DLG2: variants seen among roughly 807,000 people sequenced by gnomAD.
The protein encoded by DLG2 is discs large MAGUK scaffold protein 2.
DLG2 carries 45 observed loss-of-function variants against 132.5 expected under a neutral mutation model. The ratio of observed to expected loss-of-function variants is 0.34; its 90% CI spans 0.27 to 0.44. DLG2 has a LOEUF of 0.44. Ranked by LOEUF, DLG2 falls within the 20% of genes least tolerant of loss-of-function variation. The pLI is 1.00. For missense variants in DLG2, 1,045 were observed against 1,196.9 expected (o/e 0.87, Z 1.87); for synonymous variants, 424 against 419.6 (o/e 1.01, Z -0.13).
chr11:83,559,006 A>G (rs1006708805), intron 19 of DLG2, among the ~76,000 whole-genome samples: 2 of 152,100 alleles, frequency 1.3e-5, no homozygotes, highest in Non-Finnish European at 1.5e-5. Flanking sequence ...GATGAACAAC[A>G]TGCTGCTGAA....
intron 6 of DLG2, among the ~76,000 whole-genome samples, chr11:84,986,551 C>G (rs1351978452): frequency 6.6e-6 from 1 of 152,126 alleles, no homozygotes; most frequent in Non-Finnish European, 1.5e-5. Context: ...TCGAATCCAA[C>G]AACACATCAA....
At chr11:84,012,805 A>G (rs73511938) in intron 11 of DLG2, among the ~76,000 whole-genome samples, 5,616 of 152,230 alleles carry the variant, frequency 0.037, 304 homozygotes, top group African/African-American at 0.12. Context: ...TATAATTGGA[A>G]GGGATCTCGG....
chr11:85,109,431 G>A (rs532539670), intron 6 of DLG2, among the ~76,000 whole-genome samples: 48 of 152,186 alleles, frequency 3.2e-4, no homozygotes, highest in African/African-American at 1.1e-3. Context: ...AGTCTTAAAT[G>A]TAGTTGTTTA....
intron 8 of DLG2, among the ~76,000 whole-genome samples, chr11:84,170,930 A>C (rs1029086237): frequency 6.6e-6 from 1 of 152,054 alleles, no homozygotes; most frequent in African/African-American, 2.4e-5. Context: ...GGCAACCCAT[A>C]ATTTTGCCAG....
intron 3 of DLG2, among the ~76,000 whole-genome samples, chr11:85,288,371 C>G (rs2078686817): frequency 6.6e-6 from 1 of 151,722 alleles, no homozygotes; most frequent in Admixed American, 6.6e-5. Flanking sequence ...ACATCTTTCC[C>G]AGATTTTTTT....
intron 7 of DLG2, among the ~76,000 whole-genome samples, chr11:84,275,167 G>T (rs2097772068): frequency 6.6e-6 from 1 of 152,092 alleles, no homozygotes; most frequent in Admixed American, 6.5e-5. Context: ...TGTTTATCAG[G>T]TTCCTTTATT....
chr11:84,951,422 G>C (rs1008253226), intron 6 of DLG2, among the ~76,000 whole-genome samples: 3 of 151,936 alleles, frequency 2.0e-5, no homozygotes, highest in African/African-American at 7.3e-5. Context: ...AAATTAAATG[G>C]CAAACACTTG....
intron 6 of DLG2, among the ~76,000 whole-genome samples, chr11:84,751,760 C>T (rs1264934691): frequency 5.9e-5 from 9 of 152,238 alleles, no homozygotes; most frequent in African/African-American, 2.2e-4. Flanking sequence ...CAATTGATCA[C>T]AAGGCAGTAA....
At chr11:84,471,987 G>T (rs1290872799) in intron 7 of DLG2, among the ~76,000 whole-genome samples, 1 of 151,790 alleles carries the variant, frequency 6.6e-6, no homozygotes. Context: ...GATAAAAGAG[G>T]TTTTAAAAAT....
chr11:85,548,052 G>A (rs1344180831), intron 3 of DLG2, among the ~76,000 whole-genome samples: 2 of 152,110 alleles, frequency 1.3e-5, no homozygotes, highest in Non-Finnish European at 1.5e-5. Flanking sequence ...TGATCCTTTG[G>A]AGGAGAATAG....
At chr11:83,657,683 C>T (rs1400756716) in intron 18 of DLG2, among the ~76,000 whole-genome samples, 1 of 151,782 alleles carries the variant, frequency 6.6e-6, no homozygotes, top group East Asian at 1.9e-4. Flanking sequence ...GGACTACAGG[C>T]ACCCGCCACC....
chr11:85,294,760 A>C (rs2079116500), intron 3 of DLG2, among the ~76,000 whole-genome samples: 1 of 152,174 alleles, frequency 6.6e-6, no homozygotes, highest in Non-Finnish European at 1.5e-5. Context: ...TTCTTCCATA[A>C]GAGTCAAGGG....
chr11:85,213,739 C>T (rs1048395413), intron 4 of DLG2, among the ~76,000 whole-genome samples: 4 of 152,136 alleles, frequency 2.6e-5, no homozygotes, highest in Non-Finnish European at 5.9e-5. Flanking sequence ...TTCTACTATG[C>T]TGTCTTAATT....
At chr11:83,566,711 T>TGG (rs1356306126) in intron 19 of DLG2, among the ~76,000 whole-genome samples, 6 of 105,514 alleles carry the variant, frequency 5.7e-5, no homozygotes, top group Non-Finnish European at 1.2e-4. Flanking sequence ...GCAGAGGGCA[T>TGG]GGTGTGTGTG....
chr11:85,446,082 A>G (rs1051661422), intron 3 of DLG2, among the ~76,000 whole-genome samples: 5 of 152,214 alleles, frequency 3.3e-5, no homozygotes, highest in Admixed American at 2.6e-4. Context: ...AGCAAATTTT[A>G]CCTTACAAAC....
At chr11:84,984,246 G>T (rs60627571) in intron 6 of DLG2, among the ~76,000 whole-genome samples, 1,953 of 152,228 alleles carry the variant, frequency 0.013, 39 homozygotes, top group African/African-American at 0.043. Context: ...AGAATCTTAA[G>T]AGCTGTAAGG....
chr11:83,638,755 T>C (rs901709925), intron 18 of DLG2, among the ~76,000 whole-genome samples: 9 of 152,328 alleles, frequency 5.9e-5, no homozygotes, highest in Admixed American at 5.9e-4. Context: ...CAGGGTACTC[T>C]CATAAGTTCA....
intron 6 of DLG2, among the ~76,000 whole-genome samples, chr11:84,953,008 C>A (rs2051164609): frequency 6.6e-6 from 1 of 152,176 alleles, no homozygotes; most frequent in African/African-American, 2.4e-5. Context: ...TTCATGAAAT[C>A]TTTCCCACCT....
chr11:85,195,294 T>A (rs921021976), intron 4 of DLG2, among the ~76,000 whole-genome samples: 2 of 151,856 alleles, frequency 1.3e-5, no homozygotes, highest in Non-Finnish European at 2.9e-5. Flanking sequence ...ATGTTAATGG[T>A]GACTATATTT....
Sources: gnomAD v4.1 joint callset for allele counts (sites outside exome capture counted in the v4.1 genomes callset) on GRCh38, gnomAD v4.1.1 for gene constraint, MANE v1.5 for transcripts, NCBI Gene and HGNC (gene_info 2026-07-23, HGNC 2026-07-21) for gene names.